Variants in SRGAP1 observed in about 807,000 individuals in gnomAD.
SRGAP1 encodes SLIT-ROBO Rho GTPase activating protein 1, also known as SLIT-ROBO Rho GTPase-activating protein 1.
Under a neutral mutation model 121.9 loss-of-function variants are expected in SRGAP1, and 43 were observed. The ratio of observed to expected loss-of-function variants is 0.35; its 90% CI spans 0.28 to 0.46. The LOEUF (loss-of-function observed/expected upper bound fraction) is 0.46, where lower values mean the gene tolerates loss of function less well. SRGAP1 is among the 20% of genes least tolerant of loss of function. The pLI is 1.00. For synonymous variants in SRGAP1, 447 were observed against 485.4 expected, an observed-to-expected ratio of 0.92 and a Z score of 1.04; for missense variants, 1,102 against 1,350.9, an observed-to-expected ratio of 0.82 and a Z score of 2.89.
At chr12:63,914,210 A>G (rs2030679763) in intron 1 of SRGAP1, among the ~76,000 whole-genome samples, 1 of 152,188 alleles carries the variant, frequency 6.6e-6, no homozygotes, top group Admixed American at 6.5e-5. Context: ...TTAACGGTTT[A>G]TGGTTCTGTT....
chr12:63,876,877 C>A (rs999890919), intron 1 of SRGAP1, among the ~76,000 whole-genome samples: 1 of 152,092 alleles, frequency 6.6e-6, no homozygotes, highest in Non-Finnish European at 1.5e-5. Flanking sequence ...AAAATATGAA[C>A]CAGGCTTTGG....
chr12:63,948,517 G>A (rs528848988), intron 1 of SRGAP1, among the ~76,000 whole-genome samples: 30 of 152,174 alleles, frequency 2.0e-4, no homozygotes, highest in Admixed American at 1.2e-3. Flanking sequence ...TGATACAGTG[G>A]AAATATGGTC....
rs1349313412 is a variant in SRGAP1, at chr12:64,153,593, A to G, written c.*10921A>G. On this transcript the variant is annotated 3_prime_UTR_variant, in exon 22 of 22. Coordinates refer to ENST00000355086, the MANE Select transcript of SRGAP1 (RefSeq NM_020762.4). ...TTTAGAAGATGACCCTCAAAACCAC[A>G]ATGAGATATCACCTCATACCCATTA... is the stretch of plus-strand genomic sequence containing the variant. 6.6e-6 allele frequency: 1 copy of G among 152,180 alleles called. No homozygotes were observed. Among genetic ancestry groups the G allele is most frequent in the African/African-American group, 2.4e-5 (1 of 41,440 alleles). The allele number at this position is 152,180 out of a possible 1,614,324, so 9.4% of individuals were successfully genotyped here. A position where few individuals can be genotyped will look rare whatever the true frequency, so the allele number is the denominator to read the frequency against.
chr12:63,989,257 A>G (rs1217148883), intron 2 of SRGAP1, among the ~76,000 whole-genome samples: 1 of 152,222 alleles, frequency 6.6e-6, no homozygotes, highest in East Asian at 1.9e-4. Context: ...TAAAACAAGG[A>G]GCAGTTATGA....
chr12:64,069,331 GA>G (rs1199196332), intron 8 of SRGAP1, among the ~76,000 whole-genome samples: 1 of 152,222 alleles, frequency 6.6e-6, no homozygotes, highest in African/African-American at 2.4e-5. Context: ...TAAAAGGTTT[GA>G]GAGGGCTTAA....
At chr12:63,929,082 G>C (rs527432144) in intron 1 of SRGAP1, among the ~76,000 whole-genome samples, 28 of 152,284 alleles carry the variant, frequency 1.8e-4, no homozygotes, top group African/African-American at 6.7e-4. Flanking sequence ...GGGGACCCCT[G>C]GTTACATGTG....
intron 1 of SRGAP1, among the ~76,000 whole-genome samples, chr12:63,864,881 C>T (rs572145988): frequency 1.3e-5 from 2 of 151,842 alleles, no homozygotes; most frequent in African/African-American, 2.4e-5. Context: ...GAAAATAAAA[C>T]ATCTGTGAAA....
intron 1 of SRGAP1, among the ~76,000 whole-genome samples, chr12:63,884,011 C>T (rs1461813749): frequency 1.6e-5 from 2 of 128,064 alleles, no homozygotes; most frequent in African/African-American, 2.9e-5. Context: ...AGGCCAGGCG[C>T]GGTAGCTCAC....
Position 63,989,905 on chromosome 12 carries a change from C to T in SRGAP1, c.264-5C>T, listed in dbSNP as rs766662127. On this transcript the variant is annotated splice_polypyrimidine_tract_variant and splice_region_variant and intron_variant, in intron 2 of 21. Coordinates refer to ENST00000355086, the MANE Select transcript of SRGAP1 (RefSeq NM_020762.4). ...GTGGTAATTCTGTGTTTCTTCACTT[C>T]TTAGGAAAGACCAGAACCTGTTGTC... 1.3e-6 allele frequency: 2 copies of T among 1,594,742 alleles called. No individual in the cohort carries two copies. The highest frequency in any genetic ancestry group is 2.7e-5 in the African/African-American group (2 of 73,824).
At chr12:64,076,081 A>G (rs1296695823) in intron 8 of SRGAP1, among the ~76,000 whole-genome samples, 1 of 152,236 alleles carries the variant, frequency 6.6e-6, no homozygotes, top group Non-Finnish European at 1.5e-5. Context: ...AGAGCATCCA[A>G]TATTTTGAAC....
chr12:63,939,153 C>A (rs1380816988), intron 1 of SRGAP1, among the ~76,000 whole-genome samples: 2 of 150,010 alleles, frequency 1.3e-5, no homozygotes, highest in East Asian at 1.9e-4. Flanking sequence ...AGAGCAAGAC[C>A]TTGTCTAGAA....
At chr12:63,925,223 C>A (rs2031214972) in intron 1 of SRGAP1, among the ~76,000 whole-genome samples, 1 of 152,202 alleles carries the variant, frequency 6.6e-6, no homozygotes, top group Non-Finnish European at 1.5e-5. Context: ...TACCAGCATT[C>A]ATATTCAAGG....
intron 1 of SRGAP1, among the ~76,000 whole-genome samples, chr12:63,981,989 G>T (rs974842522): frequency 1.3e-5 from 2 of 151,960 alleles, no homozygotes; most frequent in Admixed American, 6.6e-5. Flanking sequence ...CGAGGTGGGC[G>T]GATCACGAGG....
intron 17 of SRGAP1, among the ~76,000 whole-genome samples, chr12:64,115,371 A>G (rs572061033): frequency 1.4e-4 from 21 of 152,180 alleles, no homozygotes; most frequent in South Asian, 4.1e-4. Context: ...AGCATAATCA[A>G]TGGAGGTGCC....
At position 64,135,570 on chromosome 12, in the gene SRGAP1, A is replaced by C. The variant is rs699630; in HGVS notation, c.2881-6725A>C. Among the ~76,000 whole-genome samples the C allele has an allele frequency of 5.9e-3, 893 of 152,038 alleles. 9 individuals carry two copies. The highest frequency in any genetic ancestry group is 0.021 in the African/African-American group (854 of 41,470). On this transcript the variant is annotated intron_variant, in intron 21 of 21. Coordinates refer to ENST00000355086, the MANE Select transcript of SRGAP1 (RefSeq NM_020762.4). ...AATGTATTATGTACGGAGTCACTAA[A>C]CTCCTTGCCTCTCACGAGCGATGAA...
At chr12:63,993,563 A>G (rs1393898987) in intron 3 of SRGAP1, among the ~76,000 whole-genome samples, 2 of 152,172 alleles carry the variant, frequency 1.3e-5, no homozygotes, top group African/African-American at 4.8e-5. Context: ...CCATGTCTGT[A>G]TGGAGATCCA....
At chr12:64,092,234 C>A (rs1452684640) in intron 12 of SRGAP1, among the ~76,000 whole-genome samples, 2 of 152,008 alleles carry the variant, frequency 1.3e-5, no homozygotes, top group Admixed American at 6.6e-5. Context: ...GGATTATGGA[C>A]CCTAGTGTGA....
At chr12:63,886,915 C>G (rs1181507009) in intron 1 of SRGAP1, among the ~76,000 whole-genome samples, 1 of 152,120 alleles carries the variant, frequency 6.6e-6, no homozygotes, top group African/African-American at 2.4e-5. Context: ...GCTCTGTCTC[C>G]CAGGCTAGAG....
At chr12:64,056,457 G>A (rs1231179118) in intron 6 of SRGAP1, among the ~76,000 whole-genome samples, 1 of 150,764 alleles carries the variant, frequency 6.6e-6, no homozygotes, top group Admixed American at 6.6e-5. Flanking sequence ...GGAGGATGAG[G>A]CAGGAGAATC....
Sources: allele counts gnomAD v4.1 joint callset (sites outside exome capture counted in the v4.1 genomes callset), GRCh38; gene constraint gnomAD v4.1.1; transcripts MANE v1.5; gene names NCBI Gene and HGNC (gene_info 2026-07-23, HGNC 2026-07-21).